RALGPS2: variants seen among roughly 807,000 people sequenced by gnomAD.
The protein encoded by RALGPS2 is ras-specific guanine nucleotide-releasing factor RalGPS2.
Under a neutral mutation model 86.8 loss-of-function variants are expected in RALGPS2, and 43 were observed. The observed-to-expected ratio is 0.50, with a 90% CI of 0.39 to 0.64. RALGPS2 has a LOEUF of 0.64. Ranked by LOEUF, RALGPS2 falls within the 30% of genes least tolerant of loss-of-function variation. The pLI is 0.00. For synonymous variants in RALGPS2, 243 were observed against 231.3 expected, an observed-to-expected ratio of 1.05 and a Z score of -0.46; for missense variants, 536 against 694.6, an observed-to-expected ratio of 0.77 and a Z score of 2.57.
chr1:178,833,557 T>A lies in RALGPS2; in HGVS notation c.607+7T>A. The A allele has an allele frequency of 6.6e-7, 1 of 1,524,374 alleles. No homozygotes were observed. The highest frequency in any genetic ancestry group is 8.7e-7 in the Non-Finnish European group (1 of 1,148,342). The allele number at this position is 1,524,374 out of a possible 1,614,324, so 94.4% of individuals were successfully genotyped here. ...CCTTGCATTCCCTATTTAGGTGAGT[T>A]ATGTCACTGTGTGTTTTTTGTTTCT... On this transcript the variant is annotated splice_region_variant and intron_variant, in intron 8 of 19. Coordinates refer to ENST00000367635, the MANE Select transcript of RALGPS2 (RefSeq NM_152663.5).
chr1:178,896,509 G>A (rs374101006), intron 16 of RALGPS2, among the ~76,000 whole-genome samples: 3,422 of 140,764 alleles, frequency 0.024, 130 homozygotes, highest in African/African-American at 0.086. Flanking sequence ...GGGTACATGT[G>A]CACATTGTGC....
At chr1:178,811,539 A>T in intron 6 of RALGPS2, 135 bp downstream of exon 6, 1 of 604,140 alleles carries the variant, frequency 1.7e-6, no homozygotes, top group Non-Finnish European at 2.8e-6. Flanking sequence ...GTCAATTTTT[A>T]AAATTGGATG....
chr1:178,905,652 A>C (rs1166501272), intron 18 of RALGPS2, among the ~76,000 whole-genome samples: 1 of 152,230 alleles, frequency 6.6e-6, no homozygotes, highest in African/African-American at 2.4e-5. Context: ...AGAATTCAGC[A>C]CAAATTGTGA....
intron 2 of RALGPS2, among the ~76,000 whole-genome samples, chr1:178,777,506 T>C (rs1363623255): frequency 6.6e-6 from 1 of 151,662 alleles, no homozygotes; most frequent in Non-Finnish European, 1.5e-5. Flanking sequence ...CCCATCAAGC[T>C]ACCAATGACT....
chr1:178,845,930 T>C (rs1656844838), intron 8 of RALGPS2, among the ~76,000 whole-genome samples: 2 of 152,236 alleles, frequency 1.3e-5, no homozygotes, highest in South Asian at 4.1e-4. Flanking sequence ...TTGTTAGTGG[T>C]GTCCTTATCA....
At chr1:178,914,019 G>C (rs186895233) in intron 19 of RALGPS2, among the ~76,000 whole-genome samples, 3 of 152,324 alleles carry the variant, frequency 2.0e-5, no homozygotes, top group East Asian at 3.9e-4. Flanking sequence ...CAACAGAATA[G>C]TGGAAGCTAC....
At chr1:178,905,955 A>G (rs768546698) in intron 18 of RALGPS2, among the ~76,000 whole-genome samples, 7 of 152,236 alleles carry the variant, frequency 4.6e-5, no homozygotes, top group Non-Finnish European at 1.0e-4. Context: ...ATATCTTGTA[A>G]CTAAAGACTA....
intron 1 of RALGPS2, among the ~76,000 whole-genome samples, chr1:178,752,487 ATC>A (rs943760678): frequency 6.6e-6 from 1 of 152,088 alleles, no homozygotes; most frequent in Non-Finnish European, 1.5e-5. Context: ...TGCCAGCACT[ATC>A]TTCCTGCAGC....
At chr1:178,823,537 T>G (rs1655608389) in intron 7 of RALGPS2, among the ~76,000 whole-genome samples, 1 of 152,176 alleles carries the variant, frequency 6.6e-6, no homozygotes, top group Non-Finnish European at 1.5e-5. Context: ...AGTAGAGACC[T>G]GGAGGAATTG....
At chr1:178,849,443 C>T (rs914824082) in intron 8 of RALGPS2, among the ~76,000 whole-genome samples, 3 of 152,158 alleles carry the variant, frequency 2.0e-5, no homozygotes, top group African/African-American at 7.2e-5. Flanking sequence ...CTTTCAAATT[C>T]TAGTTTTAAT....
intron 1 of RALGPS2, among the ~76,000 whole-genome samples, chr1:178,730,978 G>A (rs760324122): frequency 1.8e-4 from 27 of 152,248 alleles, no homozygotes; most frequent in Non-Finnish European, 2.9e-4. Context: ...GATTATAGGC[G>A]TGAGCCACTG....
intron 4 of RALGPS2, among the ~76,000 whole-genome samples, chr1:178,796,358 G>A (rs1654189621): frequency 6.6e-6 from 1 of 152,132 alleles, no homozygotes; most frequent in Admixed American, 6.5e-5. Context: ...ATAGTAGTGA[G>A]CACTTCATGT....
At chr1:178,831,627 G>GC (rs1248168578) in intron 7 of RALGPS2, among the ~76,000 whole-genome samples, 128 of 88,108 alleles carry the variant, frequency 1.5e-3, no homozygotes, top group East Asian at 7.3e-3. Context: ...TGTCCGCCCC[G>GC]CCCCCCCCAC....
chr1:178,783,805 G>A (rs908381412), intron 2 of RALGPS2, among the ~76,000 whole-genome samples: 4 of 152,070 alleles, frequency 2.6e-5, no homozygotes, highest in African/African-American at 4.8e-5. Flanking sequence ...ACAGTAATAA[G>A]ATTTTCAGGG....
At chr1:178,879,049 A>T in intron 10 of RALGPS2, 57 bp downstream of exon 10, 1 of 1,575,032 alleles carries the variant, frequency 6.3e-7, no homozygotes, top group Non-Finnish European at 8.6e-7. Context: ...CCACCTTTCT[A>T]TCCCTATGTA....
chr1:178,894,766 T>C (rs1659868181), intron 16 of RALGPS2, among the ~76,000 whole-genome samples: 1 of 152,090 alleles, frequency 6.6e-6, no homozygotes, highest in Non-Finnish European at 1.5e-5. Context: ...CATAAAATGT[T>C]ATTATATGTG....
chr1:178,897,835 A>T, intron 17 of RALGPS2, 79 bp downstream of exon 17: 1 of 1,228,106 alleles, frequency 8.1e-7, no homozygotes, highest in Non-Finnish European at 1.2e-6. Flanking sequence ...CTAATGGGAT[A>T]CAAAGGTTTT....
At chr1:178,750,261 G>A (rs537858994) in intron 1 of RALGPS2, among the ~76,000 whole-genome samples, 1 of 152,204 alleles carries the variant, frequency 6.6e-6, no homozygotes, top group African/African-American at 2.4e-5. Flanking sequence ...CAGCTATTCA[G>A]TTCTGCTTTT....
chr1:178,877,543 C>T lies in RALGPS2; in HGVS notation c.653C>T (p.Ser218Leu). ...DLTYIDSAYP[S>L]TGSILENEQR... ...ACATACATCGATTCAGCATACCCAT[C>T]AACTGGCAGCATTCTAGAAAATGAG... The change falls in exon 9 of 20, where the codon TCA (serine) becomes TTA (leucine). Residue 218 changes from serine to leucine, a missense_variant. Physicochemically the swap from Ser to Leu is moderately radical, Grantham distance 145. This residue lies in a region of RALGPS2 where 184 missense variants were observed against 296.7 expected (regional missense o/e 0.62). Coordinates refer to ENST00000367635, the MANE Select transcript of RALGPS2 (RefSeq NM_152663.5). 1 of 1,613,544 alleles carries T rather than the reference C, an allele frequency of 6.2e-7. No homozygotes were observed. The highest frequency in any genetic ancestry group is 2.2e-5 in the East Asian group (1 of 44,820).
Sources: allele counts gnomAD v4.1 joint callset (sites outside exome capture counted in the v4.1 genomes callset), GRCh38; gene constraint gnomAD v4.1.1; regional missense constraint gnomAD v4.1.1; transcripts MANE v1.5; gene names NCBI Gene and HGNC (gene_info 2026-07-23, HGNC 2026-07-21).